The following PTPRD variants were observed in gnomAD, a reference collection of about 807,000 sequenced individuals.
PTPRD encodes receptor-type tyrosine-protein phosphatase delta.
Under a neutral mutation model 214.5 loss-of-function variants are expected in PTPRD, and 34 were observed. That is an observed-to-expected ratio of 0.16 (90% CI 0.12 to 0.21). The LOEUF is 0.21. PTPRD is among the 10% of genes least tolerant of loss of function. The pLI, the probability that PTPRD is intolerant of heterozygous loss-of-function variation, is 1.00. For synonymous variants in PTPRD, 1,128 were observed against 845.7 expected, an observed-to-expected ratio of 1.33 and a Z score of -5.79; for missense variants, 2,545 against 2,398.7, an observed-to-expected ratio of 1.06 and a Z score of -1.27.
chr9:9,372,759 C>T (rs770255429), intron 9 of PTPRD, among the ~76,000 whole-genome samples: 36 of 152,056 alleles, frequency 2.4e-4, no homozygotes, highest in Non-Finnish European at 4.7e-4. Context: ...ACTGGTTGTT[C>T]CTTTCCATGT....
intron 2 of PTPRD, among the ~76,000 whole-genome samples, chr9:10,432,258 G>A (rs999812519): frequency 7.2e-6 from 1 of 139,222 alleles, no homozygotes; most frequent in African/African-American, 2.7e-5. Flanking sequence ...GACACAGGAA[G>A]GGGAATATCA....
intron 3 of PTPRD, among the ~76,000 whole-genome samples, chr9:10,077,199 T>C (rs2098145297): frequency 6.6e-6 from 1 of 152,318 alleles, no homozygotes; most frequent in Middle Eastern, 3.4e-3. Context: ...CCTGTAGCTT[T>C]TTTTGTAATA....
chr9:9,199,121 G>C (rs537760368), intron 9 of PTPRD, among the ~76,000 whole-genome samples: 1 of 152,190 alleles, frequency 6.6e-6, no homozygotes, highest in Non-Finnish European at 1.5e-5. Context: ...GAGTGCACAA[G>C]GAGACACAAT....
chr9:9,106,447 A>G (rs1243224988), intron 10 of PTPRD, among the ~76,000 whole-genome samples: 1 of 151,794 alleles, frequency 6.6e-6, no homozygotes, highest in Non-Finnish European at 1.5e-5. Flanking sequence ...ATTATAAGCT[A>G]TAGTTAAATA....
intron 11 of PTPRD, among the ~76,000 whole-genome samples, chr9:8,832,945 T>A (rs1042421448): frequency 6.6e-6 from 1 of 152,098 alleles, no homozygotes; most frequent in Non-Finnish European, 1.5e-5. Flanking sequence ...AAATTTAATA[T>A]CTACTCTTCA....
intron 8 of PTPRD, among the ~76,000 whole-genome samples, chr9:9,406,689 A>C (rs551704696): frequency 6.1e-4 from 92 of 151,986 alleles, no homozygotes; most frequent in African/African-American, 2.0e-3. Context: ...GGATTGAAAG[A>C]GTGATGTGGG....
chr9:9,262,799 C>T (rs1048044572), intron 9 of PTPRD, among the ~76,000 whole-genome samples: 3 of 151,576 alleles, frequency 2.0e-5, no homozygotes, highest in African/African-American at 7.3e-5. Context: ...AATTAATTTG[C>T]ATCATTGACT....
At chr9:8,680,715 T>C (rs1396824840) in intron 12 of PTPRD, among the ~76,000 whole-genome samples, 2 of 152,176 alleles carry the variant, frequency 1.3e-5, no homozygotes, top group South Asian at 2.1e-4. Flanking sequence ...CATACAAATA[T>C]GCCTATACTT....
intron 7 of PTPRD, among the ~76,000 whole-genome samples, chr9:9,711,683 G>C (rs2097733411): frequency 6.6e-6 from 1 of 152,156 alleles, no homozygotes; most frequent in South Asian, 2.1e-4. Flanking sequence ...TTGATGATCA[G>C]AACTGGCTAG....
chr9:10,554,504 T>C (rs988751113), intron 2 of PTPRD, among the ~76,000 whole-genome samples: 1 of 152,092 alleles, frequency 6.6e-6, no homozygotes, highest in Non-Finnish European at 1.5e-5. Flanking sequence ...TTGAATATTA[T>C]CCACAGTTTT....
chr9:9,736,464 T>C (rs1003985695), intron 6 of PTPRD, among the ~76,000 whole-genome samples: 12 of 152,126 alleles, frequency 7.9e-5, no homozygotes, highest in Non-Finnish European at 1.5e-5. Flanking sequence ...GTTTCCACTT[T>C]GGGGTTATTA....
intron 5 of PTPRD, among the ~76,000 whole-genome samples, chr9:9,817,786 G>A (rs1434831481): frequency 2.0e-5 from 3 of 152,172 alleles, no homozygotes; most frequent in South Asian, 2.1e-4. Flanking sequence ...TGCTTTAGCA[G>A]TGTCAAAAAG....
At chr9:9,686,869 G>A (rs1463162412) in intron 7 of PTPRD, among the ~76,000 whole-genome samples, 2 of 151,726 alleles carry the variant, frequency 1.3e-5, no homozygotes, top group African/African-American at 4.8e-5. Context: ...TGAGAGCAAT[G>A]ATTCTTAGTC....
chr9:9,432,851 C>A (rs1411926457), intron 8 of PTPRD, among the ~76,000 whole-genome samples: 1 of 152,066 alleles, frequency 6.6e-6, no homozygotes, highest in African/African-American at 2.4e-5. Context: ...GGATTACAGC[C>A]AACACTGAGG....
At chr9:9,203,449 A>G (rs2099943059) in intron 9 of PTPRD, among the ~76,000 whole-genome samples, 1 of 152,072 alleles carries the variant, frequency 6.6e-6, no homozygotes. Context: ...TTTTCACATC[A>G]TCATCTATCA....
intron 4 of PTPRD, among the ~76,000 whole-genome samples, chr9:10,006,347 A>C (rs10759124): frequency 0.49 from 73,660 of 151,872 alleles, 21,242 homozygotes; most frequent in Middle Eastern, 0.67. Flanking sequence ...TTGATTTAAT[A>C]TATATAGCCA....
At chr9:8,983,614 TC>T (rs2099325044) in intron 11 of PTPRD, among the ~76,000 whole-genome samples, 1 of 149,062 alleles carries the variant, frequency 6.7e-6, no homozygotes. Context: ...GCTCAAGCAA[TC>T]CTCCTGCCTC....
intron 9 of PTPRD, among the ~76,000 whole-genome samples, chr9:9,221,495 G>A (rs1274354814): frequency 6.6e-6 from 1 of 152,068 alleles, no homozygotes; most frequent in African/African-American, 2.4e-5. Context: ...AGGCTGGGAA[G>A]CCTGAGATCA....
intron 5 of PTPRD, among the ~76,000 whole-genome samples, chr9:9,853,235 T>C (rs2060885666): frequency 1.3e-5 from 2 of 152,218 alleles, no homozygotes; most frequent in South Asian, 4.1e-4. Flanking sequence ...ATAAGCAGCA[T>C]AGGAGCTATA....
Sources: gnomAD v4.1 joint callset for allele counts (sites outside exome capture counted in the v4.1 genomes callset) on GRCh38, gnomAD v4.1.1 for gene constraint, MANE v1.5 for transcripts, NCBI Gene and HGNC (gene_info 2026-07-23, HGNC 2026-07-21) for gene names.